Variants in EPHA5 observed in about 807,000 individuals in gnomAD.
EPHA5 encodes the protein EPH receptor A5, also known as ephrin type-A receptor 5.
EPHA5 carries 60 observed loss-of-function variants against 105.0 expected under a neutral mutation model. That is an observed-to-expected ratio of 0.57 (90% CI 0.46 to 0.71). The LOEUF is 0.71. Ranked by LOEUF, EPHA5 falls within the 30% of genes least tolerant of loss-of-function variation. EPHA5 has a pLI of 0.00. For missense variants in EPHA5, 1,218 were observed against 1,274.7 expected, an observed-to-expected ratio of 0.96 and a Z score of 0.68; for synonymous variants, 513 against 449.1, an observed-to-expected ratio of 1.14 and a Z score of -1.80.
At chr4:65,604,728 T>TA (rs11374403) in intron 2 of EPHA5, among the ~76,000 whole-genome samples, 19,958 of 143,924 alleles carry the variant, frequency 0.14, 1,668 homozygotes, top group East Asian at 0.28. Flanking sequence ...ATCAGGTATG[T>TA]AAAAAAAAAA....
chr4:65,650,418 G>A (rs1476613875), intron 1 of EPHA5, among the ~76,000 whole-genome samples: 3 of 151,340 alleles, frequency 2.0e-5, no homozygotes, highest in Non-Finnish European at 4.4e-5. Context: ...AATTAACCAG[G>A]GCTTGGTGGC....
intron 3 of EPHA5, among the ~76,000 whole-genome samples, chr4:65,532,677 T>G (rs1413673817): frequency 1.3e-5 from 2 of 151,092 alleles, no homozygotes; most frequent in African/African-American, 2.4e-5. Context: ...TACAGTTTTT[T>G]TTTTTTTTTT....
chr4:65,593,990 C>T (rs557763993), intron 3 of EPHA5, among the ~76,000 whole-genome samples: 1 of 152,138 alleles, frequency 6.6e-6, no homozygotes, highest in Non-Finnish European at 1.5e-5. Context: ...TGAGTTTTCA[C>T]GATCGAATTT....
At chr4:65,542,046 G>C (rs1372335895) in intron 3 of EPHA5, among the ~76,000 whole-genome samples, 1 of 151,716 alleles carries the variant, frequency 6.6e-6, no homozygotes, top group Non-Finnish European at 1.5e-5. Flanking sequence ...AAACCAAAGA[G>C]AACAAAGAGA....
intron 11 of EPHA5, among the ~76,000 whole-genome samples, chr4:65,353,955 A>T (rs1219651794): frequency 6.6e-6 from 1 of 151,780 alleles, no homozygotes; most frequent in African/African-American, 2.4e-5. Flanking sequence ...CATATCTGAC[A>T]TTGACATGTA....
At chr4:65,619,758 T>C (rs1745549182) in intron 2 of EPHA5, among the ~76,000 whole-genome samples, 2 of 151,960 alleles carry the variant, frequency 1.3e-5, no homozygotes, top group Non-Finnish European at 2.9e-5. Context: ...GTGCACAGAA[T>C]TTCCATTCAA....
At chr4:65,546,610 T>C (rs1737397415) in intron 3 of EPHA5, among the ~76,000 whole-genome samples, 1 of 152,060 alleles carries the variant, frequency 6.6e-6, no homozygotes, top group South Asian at 2.1e-4. Context: ...TAACGTGATT[T>C]ATAATTCCAG....
intron 1 of EPHA5, among the ~76,000 whole-genome samples, chr4:65,659,628 C>T (rs879691081): frequency 2.0e-4 from 30 of 151,924 alleles, no homozygotes; most frequent in Admixed American, 5.3e-4. Context: ...TTAATACATA[C>T]GTAAACCACT....
At chr4:65,598,031 A>G (rs1434341768) in intron 3 of EPHA5, among the ~76,000 whole-genome samples, 1 of 152,238 alleles carries the variant, frequency 6.6e-6, no homozygotes, top group Non-Finnish European at 1.5e-5. Context: ...AAATATTAAC[A>G]TATGAAAATC....
chr4:65,484,022 C>T (rs986439844), intron 5 of EPHA5, among the ~76,000 whole-genome samples: 35 of 152,106 alleles, frequency 2.3e-4, no homozygotes, highest in African/African-American at 7.7e-4. Context: ...TCTTGTAAAA[C>T]AAAAATACCT....
At chr4:65,628,365 C>T (rs1008169204) in intron 2 of EPHA5, among the ~76,000 whole-genome samples, 4 of 151,798 alleles carry the variant, frequency 2.6e-5, no homozygotes, top group African/African-American at 9.7e-5. Flanking sequence ...ATAATGCTAC[C>T]AAGAAAATTA....
chr4:65,439,654 G>A (rs978653630), intron 5 of EPHA5, among the ~76,000 whole-genome samples: 8 of 152,078 alleles, frequency 5.3e-5, no homozygotes, highest in Non-Finnish European at 1.0e-4. Flanking sequence ...ACAGACGACA[G>A]GGTATTTTAA....
intron 3 of EPHA5, among the ~76,000 whole-genome samples, chr4:65,567,990 G>T (rs1739730142): frequency 6.6e-6 from 1 of 151,016 alleles, no homozygotes; most frequent in South Asian, 2.1e-4. Flanking sequence ...TGTTGGTGCA[G>T]AAAAAAATGG....
At chr4:65,609,328 A>G (rs1209879045) in intron 2 of EPHA5, among the ~76,000 whole-genome samples, 1 of 152,188 alleles carries the variant, frequency 6.6e-6, no homozygotes, top group East Asian at 1.9e-4. Context: ...TAGGAGTTTG[A>G]GTTGTTCAAA....
At chr4:65,472,453 GT>G (rs1349698058) in intron 5 of EPHA5, among the ~76,000 whole-genome samples, 2 of 152,152 alleles carry the variant, frequency 1.3e-5, no homozygotes, top group Non-Finnish European at 2.9e-5. Context: ...CCCTTCTGAG[GT>G]TTTCCATGAG....
intron 3 of EPHA5, among the ~76,000 whole-genome samples, chr4:65,551,954 C>T (rs895039579): frequency 6.6e-6 from 1 of 152,002 alleles, no homozygotes; most frequent in African/African-American, 2.4e-5. Context: ...TTTTTTCCTC[C>T]TACAAACTGG....
chr4:65,565,554 T>C (rs1170149532), intron 3 of EPHA5, among the ~76,000 whole-genome samples: 2 of 151,708 alleles, frequency 1.3e-5, no homozygotes, highest in East Asian at 3.8e-4. Context: ...TAATAAAATA[T>C]ATTCATAAAA....
intron 2 of EPHA5, among the ~76,000 whole-genome samples, chr4:65,607,913 C>T (rs925520861): frequency 1.3e-5 from 2 of 152,148 alleles, no homozygotes; most frequent in African/African-American, 4.8e-5. Context: ...ATCACAATAA[C>T]AAAGACATGG....
At chr4:65,341,015 A>T (rs1383019859) in intron 14 of EPHA5, among the ~76,000 whole-genome samples, 2 of 152,030 alleles carry the variant, frequency 1.3e-5, no homozygotes. Flanking sequence ...GTACCTAGGG[A>T]CATACCTGTG....
Sources: allele counts gnomAD v4.1 joint callset (sites outside exome capture counted in the v4.1 genomes callset), GRCh38; gene constraint gnomAD v4.1.1; transcripts MANE v1.5; gene names NCBI Gene and HGNC (gene_info 2026-07-23, HGNC 2026-07-21).